The following BDNF variants were observed in gnomAD, a reference collection of about 807,000 sequenced individuals.
The protein encoded by BDNF is brain derived neurotrophic factor, also known as neurotrophic factor BDNF precursor form.
Under a neutral mutation model 19.5 loss-of-function variants are expected in BDNF, and 1 was observed. That is an observed-to-expected ratio of 0.05 (90% confidence interval 0.02 to 0.24). The LOEUF is 0.24. Among genes scored for constraint, BDNF ranks in the 10% least tolerant of loss-of-function variants. The pLI is 1.00. For missense variants in BDNF, 195 were observed against 317.6 expected (o/e 0.61, Z 2.93); for synonymous variants, 100 against 121.6 (o/e 0.82, Z 1.17).
chr11:27,720,690 T>C (rs2134119101), intron 1 of BDNF: 1 of 985,862 alleles, frequency 1.0e-6, no homozygotes, highest in African/African-American at 1.7e-5. Flanking sequence ...CTGTCCAAGG[T>C]GCTGAATGGA....
At chr11:27,696,945 A>T (rs1208859071) in intron 1 of BDNF, among the ~76,000 whole-genome samples, 1 of 152,176 alleles carries the variant, frequency 6.6e-6, no homozygotes, top group Non-Finnish European at 1.5e-5. Flanking sequence ...GAAGTCTGAA[A>T]TTGTTCTTCT....
At chr11:27,683,680 T>C (rs955097944) in intron 1 of BDNF, among the ~76,000 whole-genome samples, 3 of 152,214 alleles carry the variant, frequency 2.0e-5, no homozygotes, top group African/African-American at 7.2e-5. Flanking sequence ...CTGCATTGCT[T>C]GTTTTTGTCA....
At chr11:27,659,672 C>T in intron 1 of BDNF, 1 of 998,444 alleles carries the variant, frequency 1.0e-6, no homozygotes, top group Non-Finnish European at 1.2e-6. Context: ...TGCGCGCGCT[C>T]TGAGTTTATC....
intron 1 of BDNF, among the ~76,000 whole-genome samples, chr11:27,716,984 C>G (rs1184398972): frequency 1.3e-5 from 2 of 152,168 alleles, no homozygotes; most frequent in Non-Finnish European, 2.9e-5. Flanking sequence ...TTGTGGTCAT[C>G]CAGTCCCTTG....
chr11:27,712,709 T>G (rs1860379131), intron 1 of BDNF, among the ~76,000 whole-genome samples: 1 of 151,996 alleles, frequency 6.6e-6, no homozygotes, highest in African/African-American at 2.4e-5. Flanking sequence ...AAGACAGGGT[T>G]TTGCCATGTT....
rs893924483 is a variant in BDNF at position 27,658,285 on chromosome 11, C to T, written c.280G>A (p.Val94Met). 29 of 1,613,942 alleles carry T rather than the reference C, an allele frequency of 1.8e-5. No homozygotes were observed. The highest frequency in any genetic ancestry group is 2.5e-5 in the Non-Finnish European group (29 of 1,180,038). Residue 94 changes from valine to methionine, a missense_variant, in exon 2 of 2, where the codon GTG (valine) becomes ATG (methionine). Around this residue, in one of 2 missense-constraint regions of BDNF, gnomAD observed 124 missense variants for 155.0 expected, o/e 0.80. Transcript: ENST00000356660. This position sits in a 1 kb window ranked among gnomAD's most constrained non-coding sequence, Gnocchi z 5.7. ...AAAGGCACTTGACTACTGAGCATCA[C>T]CCTGGACGTGTACAAGTCTGCGTCC... ...NKDADLYTSR[V>M]MLSSQVPLEP... is the part of the protein sequence containing the mutation.
At chr11:27,718,651 C>T (rs1313158010) in intron 1 of BDNF, among the ~76,000 whole-genome samples, 6 of 149,986 alleles carry the variant, frequency 4.0e-5, no homozygotes, top group Non-Finnish European at 5.9e-5. Flanking sequence ...CCATTCGCTG[C>T]AGGCTTGCTC....
intron 1 of BDNF, chr11:27,674,365 C>A: frequency 6.6e-7 from 1 of 1,514,358 alleles, no homozygotes; most frequent in South Asian, 1.3e-5. Context: ...GGAAAGTGCT[C>A]ATTACTTGTA....
intron 1 of BDNF, among the ~76,000 whole-genome samples, chr11:27,698,934 A>C (rs1444140982): frequency 2.6e-5 from 4 of 152,128 alleles, no homozygotes; most frequent in African/African-American, 9.7e-5. Flanking sequence ...GCGCGAGGAA[A>C]ACTTGCATAG....
intron 1 of BDNF, chr11:27,720,378 G>C: frequency 1.0e-6 from 1 of 985,934 alleles, no homozygotes; most frequent in Non-Finnish European, 1.2e-6. Flanking sequence ...CCGGTGGCTA[G>C]ATCCTGGAGA....
chr11:27,712,350 C>T (rs867184993), intron 1 of BDNF, among the ~76,000 whole-genome samples: 3 of 152,134 alleles, frequency 2.0e-5, no homozygotes, highest in African/African-American at 7.2e-5. Context: ...TGATACTTAT[C>T]ATTATTTCAA....
chr11:27,681,209 G>A (rs1564968340), intron 1 of BDNF, among the ~76,000 whole-genome samples: 1 of 152,204 alleles, frequency 6.6e-6, no homozygotes, highest in Admixed American at 6.5e-5. Context: ...CACAGAGCTA[G>A]TAAGTGGTGA....
chr11:27,689,016 A>C (rs1857889603), intron 1 of BDNF, among the ~76,000 whole-genome samples: 1 of 151,932 alleles, frequency 6.6e-6, no homozygotes, highest in South Asian at 2.1e-4. Context: ...AAATTAAAAA[A>C]CTCCTTGGAA....
chr11:27,709,975 C>T (rs1228635058), intron 1 of BDNF, among the ~76,000 whole-genome samples: 1 of 152,174 alleles, frequency 6.6e-6, no homozygotes, highest in African/African-American at 2.4e-5. Flanking sequence ...TATACAGTTC[C>T]TGAGCCAAGG....
chr11:27,691,767 CTCTA>C (rs1313825367), intron 1 of BDNF, among the ~76,000 whole-genome samples: 1 of 152,100 alleles, frequency 6.6e-6, no homozygotes, highest in South Asian at 2.1e-4. Flanking sequence ...AAAAAAGTAA[CTCTA>C]TCCATGCTGA....
At chr11:27,691,798 G>A (rs796971056) in intron 1 of BDNF, among the ~76,000 whole-genome samples, 1 of 152,152 alleles carries the variant, frequency 6.6e-6, no homozygotes, top group South Asian at 2.1e-4. Flanking sequence ...AGGGAGTTGG[G>A]GGAGGAGTCA....
intron 1 of BDNF, among the ~76,000 whole-genome samples, chr11:27,712,976 C>T (rs1205527643): frequency 1.4e-5 from 2 of 141,976 alleles, no homozygotes; most frequent in Non-Finnish European, 3.0e-5. Flanking sequence ...GGCATGATCT[C>T]GGCTTACTAC....
intron 1 of BDNF, among the ~76,000 whole-genome samples, chr11:27,688,596 G>C (rs1391997119): frequency 6.6e-6 from 1 of 152,216 alleles, no homozygotes; most frequent in African/African-American, 2.4e-5. Flanking sequence ...GAAATGTGTA[G>C]TATCTGGGCC....
rs572223831 is a variant in BDNF, at chr11:27,676,296, T to C, written c.-21-17711A>G. Among the ~76,000 whole-genome samples, 26 of 152,154 alleles carry C rather than the reference T, an allele frequency of 1.7e-4. 1 individual carries two copies. In the South Asian group the frequency reaches 5.2e-3, roughly 30 times the overall value. On this transcript the variant is annotated intron_variant, in intron 1 of 1. Transcript: ENST00000356660. Reference sequence around the variant, plus strand: ...ACTCTTCTATAAAGGGGAAGAGGAGTGACTTTCCCCTATACAGTGGCCCTG... The same window carrying C: ...ACTCTTCTATAAAGGGGAAGAGGAGCGACTTTCCCCTATACAGTGGCCCTG...
Sources: gnomAD v4.1 joint callset for allele counts (sites outside exome capture counted in the v4.1 genomes callset) on GRCh38, gnomAD v4.1.1 for gene constraint, gnomAD v4.1.1 regional missense constraint, Gnocchi (gnomAD v3.1) non-coding constraint, MANE v1.5 for transcripts, NCBI Gene and HGNC (gene_info 2026-07-23, HGNC 2026-07-21) for gene names.